KHDRBS1: variants seen among roughly 807,000 people sequenced by gnomAD.
The protein encoded by KHDRBS1 is KH domain-containing, RNA-binding, signal transduction-associated protein 1.
In KHDRBS1, 7 loss-of-function variants were observed where a neutral mutation model predicts 48.4. That is an observed-to-expected ratio of 0.14 (90% CI 0.08 to 0.27). The LOEUF (loss-of-function observed/expected upper bound fraction) is 0.27. Ranked by LOEUF, KHDRBS1 falls within the 10% of genes least tolerant of loss-of-function variation. The probability of loss-of-function intolerance (pLI) is 1.00; values close to 1 mark genes in which losing one functional copy is unlikely to be tolerated. For synonymous variants in KHDRBS1, 241 were observed against 235.8 expected (o/e 1.02, Z -0.20); for missense variants, 458 against 601.2 (o/e 0.76, Z 2.49).
intron 1 of KHDRBS1, among the ~76,000 whole-genome samples, chr1:32,025,323 C>CA (rs1378308901): frequency 3.2e-5 from 3 of 94,506 alleles, no homozygotes; most frequent in Admixed American, 3.2e-4. Context: ...TTTTTTGAGA[C>CA]AGAGTCTCGC....
At chr1:32,031,461 AT>A in intron 2 of KHDRBS1, 62 bp from the exon 3 acceptor site, 3 of 1,031,844 alleles carry the variant, frequency 2.9e-6, no homozygotes, top group Non-Finnish European at 2.9e-6. Flanking sequence ...AAGTGAGGTA[AT>A]TTATGTGGAA....
intron 3 of KHDRBS1, among the ~76,000 whole-genome samples, chr1:32,032,494 G>A (rs892884682): frequency 3.3e-5 from 5 of 152,186 alleles, no homozygotes; most frequent in Non-Finnish European, 7.3e-5. Context: ...AGCTCGTGGT[G>A]ATTAACAGCT....
intron 1 of KHDRBS1, among the ~76,000 whole-genome samples, chr1:32,025,349 A>G (rs1287581280): frequency 2.5e-5 from 3 of 121,814 alleles, no homozygotes; most frequent in African/African-American, 6.6e-5. Flanking sequence ...CACCCAGGCT[A>G]GAGTGCAGTG....
rs1639185658 is a variant in KHDRBS1, at chr1:32,036,467, C to A, written c.772-443C>A. Among the ~76,000 whole-genome samples the A allele has an allele frequency of 3.3e-5, 5 of 152,112 alleles. No homozygotes were observed. The South Asian group carries it at 1.0e-3, about 32-fold the overall frequency. On this transcript the variant is annotated intron_variant, in intron 4 of 8. Coordinates refer to ENST00000327300, the MANE Select transcript of KHDRBS1 (RefSeq NM_006559.3). ...TACAGGCGTGAGCCACTGCACCCGGCCCTCATTTTGAAGATTAAACTGAAA... is the reference window on the plus strand; with the variant it reads ...TACAGGCGTGAGCCACTGCACCCGGACCTCATTTTGAAGATTAAACTGAAA...
intron 1 of KHDRBS1, among the ~76,000 whole-genome samples, chr1:32,026,286 A>G (rs1235971682): frequency 6.6e-6 from 1 of 151,844 alleles, no homozygotes; most frequent in Non-Finnish European, 1.5e-5. Flanking sequence ...AGCCTCCCAA[A>G]TAGCTGGGAC....
At chr1:32,033,418 G>A in intron 4 of KHDRBS1, 84 bp downstream of exon 4, 1 of 1,559,806 alleles carries the variant, frequency 6.4e-7, no homozygotes, top group Non-Finnish European at 8.7e-7. Flanking sequence ...TCTTAACTAA[G>A]GTCTCTGCAT....
Position 32,033,907 on chromosome 1 carries a change from T to C in KHDRBS1, c.771+573T>C, listed in dbSNP as rs760351236. 4.6e-5 allele frequency among the ~76,000 whole-genome samples: 7 copies of C among 152,216 alleles called. No homozygotes were observed. In the South Asian group the frequency reaches 1.4e-3, roughly 31 times the overall value. ...GATAGGTGAGCAGCTTTTTTCAGACTATTACTGAGGACTAGATAGAGATGG... is the reference window on the plus strand; with the variant it reads ...GATAGGTGAGCAGCTTTTTTCAGACCATTACTGAGGACTAGATAGAGATGG... On this transcript the variant is annotated intron_variant, in intron 4 of 8. Coordinates refer to ENST00000327300, the MANE Select transcript of KHDRBS1 (RefSeq NM_006559.3).
intron 3 of KHDRBS1, among the ~76,000 whole-genome samples, chr1:32,032,056 G>A (rs970933049): frequency 6.6e-6 from 1 of 152,214 alleles, no homozygotes; most frequent in Non-Finnish European, 1.5e-5. Flanking sequence ...AGATGAGTTT[G>A]AGGATTAGTT....
At chr1:32,034,298 C>A (rs1639134014) in intron 4 of KHDRBS1, among the ~76,000 whole-genome samples, 1 of 152,228 alleles carries the variant, frequency 6.6e-6, no homozygotes, top group Non-Finnish European at 1.5e-5. Flanking sequence ...CACGGTGGCT[C>A]ACGCCTGTAA....
At chr1:32,050,563 A>C (rs1222898481) in intron 10 of KHDRBS1, among the ~76,000 whole-genome samples, 1 of 151,936 alleles carries the variant, frequency 6.6e-6, no homozygotes, top group African/African-American at 2.4e-5. Flanking sequence ...CCCAGGCTGG[A>C]GTGCAGTGGT....
At position 32,035,403 on chromosome 1, in the gene KHDRBS1, T is replaced by G. The variant is rs562339972; in HGVS notation, c.772-1507T>G. On this transcript the variant is annotated intron_variant, in intron 4 of 8. Coordinates refer to ENST00000327300, the MANE Select transcript of KHDRBS1 (RefSeq NM_006559.3). Reference sequence around the variant, plus strand: ...TTGAGGGGGGCATCAAAGACTAGCATCATCTATTGAAGCTGTATACGCCTG... The same window carrying G: ...TTGAGGGGGGCATCAAAGACTAGCAGCATCTATTGAAGCTGTATACGCCTG... Among the ~76,000 whole-genome samples the G allele has an allele frequency of 1.7e-4, 26 of 152,266 alleles. 1 individual carries two copies. The highest frequency in any genetic ancestry group is 5.3e-4 in the African/African-American group (22 of 41,556).
intron 10 of KHDRBS1, among the ~76,000 whole-genome samples, chr1:32,059,633 C>T (rs1327727056): frequency 1.3e-5 from 2 of 151,974 alleles, no homozygotes; most frequent in African/African-American, 4.8e-5. Flanking sequence ...ATTTAAGATG[C>T]GTCTCCTCTA....
chr1:32,055,550 T>C (rs1639471867), intron 10 of KHDRBS1, among the ~76,000 whole-genome samples: 1 of 152,098 alleles, frequency 6.6e-6, no homozygotes, highest in African/African-American at 2.4e-5. Flanking sequence ...TGTTTAAAGC[T>C]AGCAAGCATC....
In KHDRBS1 at chr1:32,021,081, T is replaced by C. The variant is rs906122799; in HGVS notation, c.382+6704T>C. Among the ~76,000 whole-genome samples, 66 of 152,176 alleles carry C rather than the reference T, an allele frequency of 4.3e-4. 1 individual carries two copies. Among genetic ancestry groups the C allele is most frequent in the Admixed American group, 4.3e-3 (65 of 15,266 alleles). ...ACTAAAGTATACAGGATCTCTGTTA[T>C]TTCTTAGAACTGCATATAAATCTAA... On this transcript the variant is annotated intron_variant, in intron 1 of 8. Coordinates refer to ENST00000327300, the MANE Select transcript of KHDRBS1 (RefSeq NM_006559.3).
intron 2 of KHDRBS1, 44 bp downstream of exon 2, chr1:32,030,466 T>A: frequency 9.0e-6 from 14 of 1,550,214 alleles, no homozygotes; most frequent in Non-Finnish European, 1.1e-5. Flanking sequence ...TCTTTATAGT[T>A]ATGAGAGAGT....
intron 8 of KHDRBS1, among the ~76,000 whole-genome samples, chr1:32,040,804 C>T (rs1279676035): frequency 1.3e-5 from 2 of 152,218 alleles, no homozygotes; most frequent in Non-Finnish European, 2.9e-5. Context: ...ACAGTCTCCC[C>T]TTATCCCTAG....
chr1:32,014,059 GACCCCTCCGGTGCCC>G lies in KHDRBS1; in HGVS notation c.72_86del (p.Gly25_Ser29del). The stretch of plus-strand genomic sequence containing the variant: ...GTCTTCGGGCCGTAGCGGCTCCATG[GACCCCTCCGGTGCCC>G]ACCCCTCGGTGCGTCAGACGCCGTC... On this transcript the variant is annotated inframe_deletion, in exon 1 of 9. Transcript: ENST00000327300. The G allele has an allele frequency of 6.6e-7, 1 of 1,507,882 alleles. No homozygotes were observed. The highest frequency in any genetic ancestry group is 8.8e-7 in the Non-Finnish European group (1 of 1,138,376). The allele number at this position is 1,507,882 out of a possible 1,614,324, so 93.4% of individuals were successfully genotyped here.
At position 32,037,115 on chromosome 1, in the gene KHDRBS1, C is replaced by T. The variant is rs550737507; in HGVS notation, c.905+72C>T. ...TAGTGTCATCTCTTTTAGTGGTGCTCTTATGTCTAGCTTAGGAAGGGTCTC... is the reference window on the plus strand; with the variant it reads ...TAGTGTCATCTCTTTTAGTGGTGCTTTTATGTCTAGCTTAGGAAGGGTCTC... On this transcript the variant is annotated intron_variant, in intron 5 of 8. Coordinates refer to ENST00000327300, the MANE Select transcript of KHDRBS1 (RefSeq NM_006559.3). 6.6e-6 allele frequency: 10 copies of T among 1,512,858 alleles called. No individual in the cohort carries two copies. The African/African-American group carries it at 9.7e-5, about 15-fold the overall frequency. The allele number at this position is 1,512,858 out of a possible 1,614,324, so 93.7% of individuals were successfully genotyped here. A position where few individuals can be genotyped will look rare whatever the true frequency, so the allele number is the denominator to read the frequency against.
intron 2 of KHDRBS1, 68 bp from the exon 3 acceptor site, chr1:32,031,456 A>G (rs1639079570): frequency 2.1e-6 from 2 of 954,546 alleles, no homozygotes; most frequent in East Asian, 5.0e-5. Flanking sequence ...AAATCAAGTG[A>G]GGTAATTTAT....
Sources: gnomAD v4.1 joint callset for allele counts (sites outside exome capture counted in the v4.1 genomes callset) on GRCh38, gnomAD v4.1.1 for gene constraint, MANE v1.5 for transcripts, NCBI Gene and HGNC (gene_info 2026-07-23, HGNC 2026-07-21) for gene names.